Variants in CPED1 observed in about 807,000 individuals in gnomAD.
The protein encoded by CPED1 is cadherin-like and PC-esterase domain-containing protein 1.
A neutral mutation model predicts 128.2 loss-of-function variants in CPED1; 114 were observed. The ratio of observed to expected loss-of-function variants is 0.89; its 90% CI spans 0.76 to 1.04. The LOEUF is 1.04. Ranked by LOEUF, CPED1 falls within the 50% of genes least tolerant of loss-of-function variation. CPED1 has a pLI of 0.00. For synonymous variants in CPED1, 462 were observed against 426.7 expected, an observed-to-expected ratio of 1.08 and a Z score of -1.02; for missense variants, 1,211 against 1,207.1, an observed-to-expected ratio of 1.00 and a Z score of -0.05.
At chr7:121,109,425 T>G (rs921275149) in intron 7 of CPED1, among the ~76,000 whole-genome samples, 1 of 152,118 alleles carries the variant, frequency 6.6e-6, no homozygotes, top group Non-Finnish European at 1.5e-5. Context: ...TCTTAGAAGC[T>G]CGATGAAGCA....
intron 7 of CPED1, among the ~76,000 whole-genome samples, chr7:121,110,404 C>T (rs1795081070): frequency 6.6e-6 from 1 of 152,048 alleles, no homozygotes; most frequent in Admixed American, 6.6e-5. Flanking sequence ...ATGAAATGAA[C>T]AGGATGGATG....
intron 16 of CPED1, among the ~76,000 whole-genome samples, chr7:121,193,388 A>G (rs757311334): frequency 6.6e-6 from 1 of 152,174 alleles, no homozygotes; most frequent in African/African-American, 2.4e-5. Context: ...GAAAAAATAA[A>G]CCATTTATAG....
chr7:120,991,096 C>G (rs951682251), intron 2 of CPED1, among the ~76,000 whole-genome samples: 1 of 152,148 alleles, frequency 6.6e-6, no homozygotes, highest in Non-Finnish European at 1.5e-5. Context: ...CAATTCAAAG[C>G]CCTTGTAATA....
intron 18 of CPED1, among the ~76,000 whole-genome samples, chr7:121,255,380 T>C (rs1187228560): frequency 2.6e-5 from 4 of 151,976 alleles, no homozygotes; most frequent in East Asian, 1.9e-4. Context: ...TAAAAAACTC[T>C]CAACAAACTA....
At chr7:121,214,546 G>A (rs1418213163) in intron 16 of CPED1, among the ~76,000 whole-genome samples, 1 of 151,910 alleles carries the variant, frequency 6.6e-6, no homozygotes, top group Non-Finnish European at 1.5e-5. Context: ...CACCTGCCTT[G>A]GCCTCCCAAA....
At chr7:121,248,918 A>C (rs1246458864) in intron 18 of CPED1, among the ~76,000 whole-genome samples, 1 of 152,228 alleles carries the variant, frequency 6.6e-6, no homozygotes, top group Non-Finnish European at 1.5e-5. Flanking sequence ...GTTGAAACTC[A>C]ATCCAAGAAA....
At chr7:121,007,906 C>A (rs1206431937) in intron 2 of CPED1, among the ~76,000 whole-genome samples, 1 of 152,162 alleles carries the variant, frequency 6.6e-6, no homozygotes, top group Non-Finnish European at 1.5e-5. Context: ...TGGTTTAATG[C>A]CTCCTTAGGG....
chr7:121,025,037 T>C (rs1792540908), intron 3 of CPED1, among the ~76,000 whole-genome samples: 2 of 152,172 alleles, frequency 1.3e-5, no homozygotes, highest in Non-Finnish European at 2.9e-5. Flanking sequence ...CTTTTAATGA[T>C]TGTACAACTT....
intron 12 of CPED1, among the ~76,000 whole-genome samples, chr7:121,132,753 C>T (rs1373967092): frequency 6.6e-6 from 1 of 152,028 alleles, no homozygotes; most frequent in Non-Finnish European, 1.5e-5. Context: ...CTGCAAGATG[C>T]CTTTACATAC....
chr7:121,098,759 T>A (rs1012031557), intron 6 of CPED1, among the ~76,000 whole-genome samples: 4 of 37,136 alleles, frequency 1.1e-4, no homozygotes, highest in Non-Finnish European at 1.6e-4. Flanking sequence ...TATATAAAAA[T>A]ATATATAAAT....
intron 16 of CPED1, among the ~76,000 whole-genome samples, chr7:121,224,831 T>C (rs1369304116): frequency 7.5e-6 from 1 of 132,766 alleles, no homozygotes; most frequent in Non-Finnish European, 1.6e-5. Context: ...GCTTGGTAAA[T>C]ATTCCTCCAT....
intron 17 of CPED1, among the ~76,000 whole-genome samples, chr7:121,237,144 C>T (rs894983466): frequency 1.3e-5 from 2 of 152,108 alleles, no homozygotes; most frequent in Non-Finnish European, 2.9e-5. Flanking sequence ...TGATAGCACT[C>T]AGTAATTTTC....
intron 16 of CPED1, among the ~76,000 whole-genome samples, chr7:121,194,343 A>C (rs1797222307): frequency 1.3e-5 from 2 of 151,948 alleles, no homozygotes; most frequent in Admixed American, 6.6e-5. Context: ...AAGCCACTGT[A>C]CCCGGCCTAT....
chr7:121,069,286 T>C (rs1200478739), intron 5 of CPED1, among the ~76,000 whole-genome samples: 3 of 152,164 alleles, frequency 2.0e-5, no homozygotes. Flanking sequence ...ACTTAAAACT[T>C]ACTTGTACTT....
At chr7:121,034,350 C>T (rs184415422) in intron 3 of CPED1, among the ~76,000 whole-genome samples, 25 of 142,108 alleles carry the variant, frequency 1.8e-4, no homozygotes, top group African/African-American at 5.0e-4. Context: ...CAGGTTCAAA[C>T]GATCCTCCTG....
chr7:121,094,670 C>G (rs1212389873), intron 5 of CPED1, among the ~76,000 whole-genome samples: 1 of 152,172 alleles, frequency 6.6e-6, no homozygotes, highest in African/African-American at 2.4e-5. Context: ...GGCTTCCTAA[C>G]AATGTCACAA....
At chr7:121,011,556 T>G (rs1262979303) in intron 2 of CPED1, among the ~76,000 whole-genome samples, 2 of 152,190 alleles carry the variant, frequency 1.3e-5, no homozygotes, top group Non-Finnish European at 2.9e-5. Context: ...CAAAGAATAT[T>G]TATTATGTGT....
At chr7:121,188,853 A>G (rs1797061823) in intron 16 of CPED1, among the ~76,000 whole-genome samples, 1 of 152,140 alleles carries the variant, frequency 6.6e-6, no homozygotes. Flanking sequence ...GTCATTGGCA[A>G]GAAGGTGTAG....
chr7:121,150,658 A>G (rs919142197), intron 16 of CPED1, among the ~76,000 whole-genome samples: 7 of 152,174 alleles, frequency 4.6e-5, no homozygotes, highest in African/African-American at 1.7e-4. Flanking sequence ...GCTAATTTAC[A>G]TTCCCACCAA....
Sources: gnomAD v4.1 joint callset for allele counts (sites outside exome capture counted in the v4.1 genomes callset) on GRCh38, gnomAD v4.1.1 for gene constraint, MANE v1.5 for transcripts, NCBI Gene and HGNC (gene_info 2026-07-23, HGNC 2026-07-21) for gene names.